EDA: variants seen among roughly 807,000 people sequenced by gnomAD.
The protein encoded by EDA is ectodysplasin A.
Under a neutral mutation model 23.6 loss-of-function variants are expected in EDA, and 2 were observed. That is an observed-to-expected ratio of 0.08 (90% CI 0.03 to 0.27). The LOEUF is 0.27. EDA is among the 10% of genes least tolerant of loss of function. The pLI is 1.00. For synonymous variants in EDA, 131 were observed against 132.0 expected (o/e 0.99, Z 0.05); for missense variants, 229 against 324.2 (o/e 0.71, Z 2.26).
intron 1 of EDA, among the ~76,000 whole-genome samples, chrX:69,917,575 C>A (rs771885669): frequency 9.0e-6 from 1 of 111,338 alleles, no homozygotes. Context: ...ACAGATGATC[C>A]TCAAACCTTC....
chrX:69,836,272 G>T (rs1422244252), intron 1 of EDA, among the ~76,000 whole-genome samples: 1 of 112,532 alleles, frequency 8.9e-6, no homozygotes, highest in Non-Finnish European at 1.9e-5. Context: ...CTTCAGAGCT[G>T]TCAGACAGGG....
chrX:69,837,527 T>C (rs138168211), intron 1 of EDA, among the ~76,000 whole-genome samples: 256 of 112,547 alleles, frequency 2.3e-3, no homozygotes, highest in Non-Finnish European at 3.4e-3. Context: ...TTGTTGCATA[T>C]GATTTTTTTG....
At chrX:69,887,030 A>G (rs2017839389) in intron 1 of EDA, among the ~76,000 whole-genome samples, 1 of 112,517 alleles carries the variant, frequency 8.9e-6, no homozygotes, top group South Asian at 3.7e-4. Flanking sequence ...GGAGATCTAC[A>G]AATTACCTGA....
Position 69,616,231 on chromosome X carries a change from C to T in EDA, c.-78C>T. ...CCCCAGCCGATGGCAGGACAGTAGCCGCCTGTCAGAGGTCGTGAACGGCTG... is the reference window on the plus strand; with the variant it reads ...CCCCAGCCGATGGCAGGACAGTAGCTGCCTGTCAGAGGTCGTGAACGGCTG... On this transcript the variant is annotated 5_prime_UTR_variant, in exon 1 of 8. Transcript: ENST00000374552. 1 of 1,104,867 alleles carries T rather than the reference C, an allele frequency of 9.1e-7. No homozygotes were observed. Among genetic ancestry groups the T allele is most frequent in the Admixed American group, 2.6e-5 (1 of 37,954 alleles). The allele number at this position is 1,104,867 out of a possible 1,213,427, so 91.1% of individuals were successfully genotyped here.
chrX:69,800,271 G>A (rs894669395), intron 1 of EDA, among the ~76,000 whole-genome samples: 2 of 111,464 alleles, frequency 1.8e-5, no homozygotes, highest in African/African-American at 6.5e-5. Context: ...ATTGGTTAAT[G>A]AGAATAAACA....
At chrX:69,936,148 G>A (rs2018671053) in intron 1 of EDA, among the ~76,000 whole-genome samples, 1 of 109,018 alleles carries the variant, frequency 9.2e-6, no homozygotes, top group African/African-American at 3.3e-5. Flanking sequence ...TATACCTAAA[G>A]ACTTGTTATC....
At chrX:69,682,869 C>G (rs1409514333) in intron 1 of EDA, among the ~76,000 whole-genome samples, 1 of 111,471 alleles carries the variant, frequency 9.0e-6, no homozygotes, top group Non-Finnish European at 1.9e-5. Context: ...CTTATATCTT[C>G]CAAATAAAGT....
At chrX:70,018,273 AC>A (rs1360580872) in intron 2 of EDA, among the ~76,000 whole-genome samples, 1 of 112,057 alleles carries the variant, frequency 8.9e-6, no homozygotes, top group Non-Finnish European at 1.9e-5. Context: ...TGGTCATAAT[AC>A]CCAAAGAAAT....
At chrX:69,964,979 T>G (rs2019154722) in intron 2 of EDA, among the ~76,000 whole-genome samples, 1 of 111,891 alleles carries the variant, frequency 8.9e-6, no homozygotes, top group South Asian at 3.7e-4. Flanking sequence ...TTCCAGACAC[T>G]AAGGGCACAG....
At chrX:69,980,405 A>G (rs2019388062) in intron 2 of EDA, among the ~76,000 whole-genome samples, 1 of 112,179 alleles carries the variant, frequency 8.9e-6, no homozygotes. Context: ...ACACTTAGCT[A>G]TGATGTTGGC....
intron 1 of EDA, among the ~76,000 whole-genome samples, chrX:69,800,524 T>C (rs189323007): frequency 9.0e-6 from 1 of 111,177 alleles, no homozygotes; most frequent in Non-Finnish European, 1.9e-5. Context: ...AATGTATCAT[T>C]TTTTAAAAAA....
intron 1 of EDA, among the ~76,000 whole-genome samples, chrX:69,943,510 A>C (rs969751942): frequency 9.0e-6 from 1 of 110,933 alleles, no homozygotes; most frequent in African/African-American, 3.3e-5. Context: ...CTCTTCCCTT[A>C]CTTTCCCCCA....
chrX:69,725,264 C>T (rs747725950), intron 1 of EDA, among the ~76,000 whole-genome samples: 34 of 111,860 alleles, frequency 3.0e-4, no homozygotes, highest in Non-Finnish European at 5.3e-4. Context: ...CTGCCATACC[C>T]TATCACTCAT....
intron 1 of EDA, among the ~76,000 whole-genome samples, chrX:69,782,366 TAAAAAAA>T (rs751293381): frequency 0.08 from 5,204 of 65,394 alleles, 177 homozygotes; most frequent in Non-Finnish European, 0.083. Context: ...TAAATGCTCT[TAAAAAAA>T]AAAAAAAAAA....
At chrX:69,655,123 C>T (rs756085522) in intron 1 of EDA, among the ~76,000 whole-genome samples, 14 of 111,904 alleles carry the variant, frequency 1.3e-4, no homozygotes, top group South Asian at 1.1e-3. Context: ...AGGCTGGGCG[C>T]GGTGGCTCAC....
intron 2 of EDA, among the ~76,000 whole-genome samples, chrX:69,973,854 T>A (rs192488789): frequency 9.0e-6 from 1 of 111,414 alleles, no homozygotes; most frequent in African/African-American, 3.2e-5. Context: ...AAATCCCCTA[T>A]GTTGAATTTG....
chrX:69,987,303 T>TC (rs2019512572), intron 2 of EDA, among the ~76,000 whole-genome samples: 2 of 92,238 alleles, frequency 2.2e-5, no homozygotes, highest in African/African-American at 9.7e-5. Flanking sequence ...AAAAAAAATT[T>TC]TTTTTTTTAA....
intron 1 of EDA, among the ~76,000 whole-genome samples, chrX:69,788,302 C>A (rs373838684): frequency 1.8e-5 from 2 of 112,721 alleles, no homozygotes; most frequent in Admixed American, 9.4e-5. Context: ...CGTCAAAGTC[C>A]TTCTCCGTCC....
intron 1 of EDA, among the ~76,000 whole-genome samples, chrX:69,933,822 C>T (rs189074528): frequency 3.6e-5 from 4 of 111,880 alleles, no homozygotes; most frequent in Admixed American, 1.9e-4. Context: ...TTAGTCTTTG[C>T]AATATTAAAA....
Sources: allele counts gnomAD v4.1 joint callset (sites outside exome capture counted in the v4.1 genomes callset), GRCh38; gene constraint gnomAD v4.1.1; transcripts MANE v1.5; gene names NCBI Gene and HGNC (gene_info 2026-07-23, HGNC 2026-07-21).